The following ARSB variants were observed in gnomAD, a reference collection of about 807,000 sequenced individuals.
The protein encoded by ARSB is N-acetylgalactosamine-4-sulfatase.
A neutral mutation model predicts 50.9 loss-of-function variants in ARSB; 41 were observed. That is an observed-to-expected ratio of 0.81 (90% CI 0.63 to 1.04). ARSB has a LOEUF of 1.04. Ranked by LOEUF, ARSB falls within the 50% of genes least tolerant of loss-of-function variation. The probability of loss-of-function intolerance (pLI) is 0.00; values close to 1 mark genes in which losing one functional copy is unlikely to be tolerated. For missense variants in ARSB, 672 were observed against 693.3 expected, an observed-to-expected ratio of 0.97 and a Z score of 0.35; for synonymous variants, 269 against 284.8, an observed-to-expected ratio of 0.94 and a Z score of 0.56.
chr5:78,791,355 G>A (rs1749231129), intron 6 of ARSB, among the ~76,000 whole-genome samples: 1 of 152,162 alleles, frequency 6.6e-6, no homozygotes, highest in Non-Finnish European at 1.5e-5. Context: ...TAAATCAAAT[G>A]TGTCTCTTAA....
At chr5:78,913,894 T>C (rs1057415818) in intron 4 of ARSB, among the ~76,000 whole-genome samples, 8 of 152,084 alleles carry the variant, frequency 5.3e-5, no homozygotes, top group Admixed American at 1.3e-4. Context: ...CTATAAAAGG[T>C]TAAATATTTA....
At chr5:78,898,840 A>G (rs1300619561) in intron 4 of ARSB, among the ~76,000 whole-genome samples, 1 of 152,218 alleles carries the variant, frequency 6.6e-6, no homozygotes, top group Non-Finnish European at 1.5e-5. Flanking sequence ...AGTGGATTGC[A>G]TACCAGCAAT....
rs368030435 is a variant in ARSB at position 78,841,168 on chromosome 5, C to CTACTACTAATAATAATAATAATAATAA, written c.1143-1743_1143-1742insTTATTATTATTATTATTATTAGTAGTA. Among the ~76,000 whole-genome samples the CTACTACTAATAATAATAATAATAATAA allele has an allele frequency of 3.5e-3, 468 of 131,986 alleles. 2 individuals are homozygous for CTACTACTAATAATAATAATAATAATAA. Among genetic ancestry groups the CTACTACTAATAATAATAATAATAATAA allele is most frequent in the Non-Finnish European group, 5.1e-3 (321 of 62,396 alleles). 86.6% of individuals were successfully genotyped at this position (131,986 alleles called of 152,430 possible). A position where few individuals can be genotyped will look rare whatever the true frequency, so the allele number is the denominator to read the frequency against. On this transcript the variant is annotated intron_variant, in intron 5 of 7. Coordinates refer to ENST00000264914, the MANE Select transcript of ARSB (RefSeq NM_000046.5). ...ACTACTACTACTACTACTACTACTACTAATAATAATAATAATTTGAGCATG... is the reference window on the plus strand; with the variant it reads ...ACTACTACTACTACTACTACTACTACTACTACTAATAATAATAATAATAATAATAATAATAATAATAATTTGAGCATG...
At chr5:78,850,524 T>G (rs1006134884) in intron 5 of ARSB, among the ~76,000 whole-genome samples, 7 of 152,256 alleles carry the variant, frequency 4.6e-5, no homozygotes, top group African/African-American at 1.7e-4. Context: ...AATTCTCTTT[T>G]TTGGTTGTGT....
chr5:78,880,355 T>C (rs548320419), intron 5 of ARSB, among the ~76,000 whole-genome samples: 7 of 152,342 alleles, frequency 4.6e-5, no homozygotes, highest in Non-Finnish European at 8.8e-5. Context: ...AATTTGGGAC[T>C]CAAAATGAAT....
chr5:78,978,520 G>A (rs1192476181), intron 1 of ARSB, among the ~76,000 whole-genome samples: 1 of 151,912 alleles, frequency 6.6e-6, no homozygotes, highest in East Asian at 1.9e-4. Context: ...TAAAATTTAT[G>A]TGGAAATGCA....
chr5:78,861,135 A>C (rs1746414802), intron 5 of ARSB, among the ~76,000 whole-genome samples: 1 of 152,232 alleles, frequency 6.6e-6, no homozygotes, highest in South Asian at 2.1e-4. Context: ...CTACCAACCA[A>C]AAACAGTCCA....
At chr5:78,840,403 C>G (rs1158918238) in intron 5 of ARSB, among the ~76,000 whole-genome samples, 2 of 152,142 alleles carry the variant, frequency 1.3e-5, no homozygotes. Context: ...GCCAAACTCA[C>G]AGTTAGCTGT....
intron 1 of ARSB, among the ~76,000 whole-genome samples, chr5:78,984,623 G>C (rs989672281): frequency 1.3e-5 from 2 of 151,938 alleles, no homozygotes; most frequent in African/African-American, 2.4e-5. Context: ...CCTGCCGGCC[G>C]CGGCGCCCAG....
At position 78,953,956 on chromosome 5, in the gene ARSB, CAG is replaced by C. The variant is rs1751592470; in HGVS notation, c.898+1337_898+1338del. Among the ~76,000 whole-genome samples the C allele has an allele frequency of 1.3e-5, 2 of 151,964 alleles. 1 individual carries two copies. The highest frequency in any genetic ancestry group is 1.3e-4 in the Admixed American group (2 of 15,260). The stretch of plus-strand genomic sequence containing the variant: ...AGTTATGACATCTATAAATTAAAAA[CAG>C]AACTTCACAAAAAAGGAATTATCAG... On this transcript the variant is annotated intron_variant, in intron 4 of 7. Coordinates refer to ENST00000264914, the MANE Select transcript of ARSB (RefSeq NM_000046.5).
intron 5 of ARSB, among the ~76,000 whole-genome samples, chr5:78,846,149 C>T (rs1366229284): frequency 2.6e-5 from 4 of 152,132 alleles, no homozygotes; most frequent in Non-Finnish European, 5.9e-5. Flanking sequence ...GTCTCTTCCT[C>T]AATAAATGTT....
At chr5:78,865,012 T>C (rs530180327) in intron 5 of ARSB, among the ~76,000 whole-genome samples, 90 of 152,316 alleles carry the variant, frequency 5.9e-4, no homozygotes, top group Non-Finnish European at 1.0e-3. Context: ...TGGGCTGGCA[T>C]TGAGTGTCTG....
At chr5:78,922,673 G>A (rs528512588) in intron 4 of ARSB, among the ~76,000 whole-genome samples, 1 of 150,496 alleles carries the variant, frequency 6.6e-6, no homozygotes, top group East Asian at 2.0e-4. Flanking sequence ...GAAAAGGAGA[G>A]GGAATTGTAA....
intron 6 of ARSB, among the ~76,000 whole-genome samples, chr5:78,833,673 C>T (rs1744794550): frequency 6.6e-6 from 1 of 152,184 alleles, no homozygotes; most frequent in Non-Finnish European, 1.5e-5. Context: ...GAACTCAGAA[C>T]AGCAAGAAGA....
At chr5:78,878,289 G>C (rs1277242488) in intron 5 of ARSB, among the ~76,000 whole-genome samples, 2 of 151,934 alleles carry the variant, frequency 1.3e-5, no homozygotes, top group African/African-American at 2.4e-5. Flanking sequence ...GAGTTGTCAA[G>C]AAAATTTTAT....
chr5:78,957,112 G>A (rs1355083754), intron 3 of ARSB, among the ~76,000 whole-genome samples: 2 of 144,782 alleles, frequency 1.4e-5, no homozygotes, highest in Non-Finnish European at 3.1e-5. Flanking sequence ...CCTTTTTAAT[G>A]AGCCTTTCTG....
chr5:78,828,750 A>G (rs1220612988), intron 6 of ARSB, among the ~76,000 whole-genome samples: 5 of 141,338 alleles, frequency 3.5e-5, no homozygotes, highest in Admixed American at 2.1e-4. Context: ...ATGGCCCCCT[A>G]AAGATATCCA....
rs554060543 is a variant in ARSB at position 78,982,125 on chromosome 5, T to G, written c.312+2812A>C. ...TTTTTAGTAGAGACGGGGTTTCACCTTGTTAGCCAGGATGGTCTCGATCTC... is the reference window on the plus strand; with the variant it reads ...TTTTTAGTAGAGACGGGGTTTCACCGTGTTAGCCAGGATGGTCTCGATCTC... On this transcript the variant is annotated intron_variant, in intron 1 of 7. Transcript: ENST00000264914. Among the ~76,000 whole-genome samples the G allele has an allele frequency of 6.8e-4, 26 of 38,396 alleles. 9 individuals are homozygous for G. The highest frequency in any genetic ancestry group is 2.0e-3 in the African/African-American group (26 of 12,732). 25.2% of individuals were successfully genotyped at this position (38,396 alleles called of 152,430 possible).
Position 78,781,917 on chromosome 5 carries a change from G to T in ARSB, c.1271C>A (p.Ala424Asp). The change falls in exon 7 of 8, where the codon GCC becomes GAC. Residue 424 changes from alanine to aspartate, a missense_variant. Physicochemically the swap from Ala to Asp is moderately radical, Grantham distance 126 (BLOSUM62 -2). Transcript: ENST00000264914. ...TGCAGCATGGACAGATGTGTTAAAG[G>T]CTGAATATTCTGGAAGAGAAGAGTC... The part of the protein sequence containing the change: ...KDDSSLPEYS[A>D]FNTSVHAAIR... 2 of 1,614,136 alleles carry T rather than the reference G, an allele frequency of 1.2e-6. No homozygotes were observed. Among genetic ancestry groups the T allele is most frequent in the Admixed American group, 1.7e-5 (1 of 60,012 alleles).
Sources: gnomAD v4.1 joint callset for allele counts (sites outside exome capture counted in the v4.1 genomes callset) on GRCh38, gnomAD v4.1.1 for gene constraint, MANE v1.5 for transcripts, NCBI Gene and HGNC (gene_info 2026-07-23, HGNC 2026-07-21) for gene names.